GPN1: variants seen among roughly 807,000 people sequenced by gnomAD.
GPN1 encodes the protein ATP(GTP)-binding protein.
Under a neutral mutation model 55.9 loss-of-function variants are expected in GPN1, and 44 were observed. The observed-to-expected ratio is 0.79, with a 90% CI of 0.62 to 1.01. GPN1 has a LOEUF of 1.01. Ranked by LOEUF, GPN1 falls within the 50% of genes least tolerant of loss-of-function variation. The pLI, the probability that GPN1 is intolerant of heterozygous loss-of-function variation, is 0.00. For missense variants in GPN1, 466 were observed against 462.8 expected, an observed-to-expected ratio of 1.01 and a Z score of -0.06; for synonymous variants, 179 against 162.5, an observed-to-expected ratio of 1.10 and a Z score of -0.77.
rs1553358324 is a variant in GPN1 at position 27,642,958 on chromosome 2, TACAC to T, written c.931+473_931+476del. 6.5e-3 allele frequency among the ~76,000 whole-genome samples: 793 copies of T among 122,638 alleles called. 1 individual carries two copies. Among genetic ancestry groups the T allele is most frequent in the African/African-American group, 0.019 (628 of 33,356 alleles). The allele number at this position is 122,638 out of a possible 152,430, so 80.5% of individuals were successfully genotyped here. On this transcript the variant is annotated intron_variant, in intron 12 of 13. Coordinates refer to ENST00000610189, the MANE Select transcript of GPN1 (RefSeq NM_007266.4). Reference sequence around the variant, plus strand: ...AAATGTGGTTTTATATATATATATATACACACACACACACACACACACACACACA... The same window carrying T: ...AAATGTGGTTTTATATATATATATATACACACACACACACACACACACACA...
chr2:27,631,135 AAG>A lies in GPN1; in HGVS notation c.245+72_245+73del, dbSNP rs1268527072. 3 of 840,594 alleles carry A rather than the reference AAG, an allele frequency of 3.6e-6. No homozygotes were observed. In the East Asian group the frequency reaches 7.4e-5, roughly 21 times the overall value. The allele number at this position is 840,594 out of a possible 1,614,324, so 52.1% of individuals were successfully genotyped here. ...CTTGTCTGTGTATTTTGTGGCTTGAAAGAGTGTTTTTGCCTTTTCCTTGTGAA... is the reference window on the plus strand; with the variant it reads ...CTTGTCTGTGTATTTTGTGGCTTGAAAGTGTTTTTGCCTTTTCCTTGTGAA... On this transcript the variant is annotated intron_variant, in intron 3 of 13. Coordinates refer to ENST00000610189, the MANE Select transcript of GPN1 (RefSeq NM_007266.4).
Position 27,650,441 on chromosome 2 carries a change from A to C in GPN1, c.*241A>C. The C allele has an allele frequency of 3.3e-6, 1 of 306,348 alleles. No individual in the cohort carries two copies. Among genetic ancestry groups the C allele is most frequent in the Non-Finnish European group, 6.2e-6 (1 of 161,202 alleles). 19.0% of individuals were successfully genotyped at this position (306,348 alleles called of 1,614,324 possible). On this transcript the variant is annotated 3_prime_UTR_variant, in exon 14 of 14. Transcript: ENST00000610189. ...TTCCCTTGTATTTATGCAAGGAAGGATATACTGAGCTGATACTCTTCCAAG... is the reference window on the plus strand; with the variant it reads ...TTCCCTTGTATTTATGCAAGGAAGGCTATACTGAGCTGATACTCTTCCAAG...
chr2:27,628,493 G>T (rs1254334415), upstream of GPN1: 1 of 1,551,526 alleles, frequency 6.4e-7, no homozygotes, highest in Non-Finnish European at 8.7e-7. Flanking sequence ...ACCTGCGTCT[G>T]CAACTCGCGG....
intron 3 of GPN1, 61 bp from the exon 4 acceptor site, chr2:27,631,773 C>T (rs1389506872): frequency 1.1e-6 from 1 of 938,738 alleles, no homozygotes; most frequent in Non-Finnish European, 1.8e-6. Flanking sequence ...TGAATGATAG[C>T]CTAGGTATGA....
At chr2:27,646,436 G>A (rs1674236166) in intron 12 of GPN1, among the ~76,000 whole-genome samples, 1 of 152,166 alleles carries the variant, frequency 6.6e-6, no homozygotes, top group Admixed American at 6.5e-5. Context: ...GTTTATGTTT[G>A]TATGTATGAA....
intron 7 of GPN1, among the ~76,000 whole-genome samples, chr2:27,637,500 A>G (rs536580437): frequency 6.6e-6 from 1 of 152,300 alleles, no homozygotes; most frequent in South Asian, 2.1e-4. Context: ...CTATACCTCA[A>G]TAAAGGTAGG....
intron 11 of GPN1, among the ~76,000 whole-genome samples, chr2:27,641,526 C>T (rs1207133606): frequency 6.6e-6 from 1 of 152,118 alleles, no homozygotes; most frequent in Admixed American, 6.5e-5. Context: ...CTTAATGTTT[C>T]TTCCCTTTCA....
intron 1 of GPN1, 197 bp downstream of exon 1, chr2:27,629,366 C>G (rs1383627871): frequency 1.3e-6 from 2 of 1,548,684 alleles, no homozygotes; most frequent in Admixed American, 3.9e-5. Context: ...CTCTTCTGCG[C>G]ACCTTCAGGG....
chr2:27,642,399 A>G (rs779927928), intron 11 of GPN1, 30 bp from the exon 12 acceptor site: 2 of 1,395,444 alleles, frequency 1.4e-6, no homozygotes, highest in Non-Finnish European at 2.0e-6. Context: ...TCCTTTTTGA[A>G]TATGATGACA....
chr2:27,630,703 G>A (rs1673511629), intron 2 of GPN1, among the ~76,000 whole-genome samples: 1 of 152,116 alleles, frequency 6.6e-6, no homozygotes, highest in South Asian at 2.1e-4. Flanking sequence ...TTGCCATTGT[G>A]TTGCCTTTGT....
rs1223494974 is a variant in GPN1, at chr2:27,629,912, G to C, written c.165G>C (p.Leu55=). ...AQGTPPYVIN[L]DPAVHEVPFP... ...GCACTCCACCGTATGTGATCAACCT[G>C]GATCCAGCAGTACATGAAGTTCCCT... is the stretch of plus-strand genomic sequence containing the variant. Residue 55 remains leucine, a synonymous_variant, in exon 2 of 14, where the codon CTG becomes CTC. Coordinates refer to ENST00000610189, the MANE Select transcript of GPN1 (RefSeq NM_007266.4). The C allele has an allele frequency of 1.2e-6, 2 of 1,609,476 alleles. No individual in the cohort carries two copies. The highest frequency in any genetic ancestry group is 1.7e-6 in the Non-Finnish European group (2 of 1,175,714).
chr2:27,635,524 C>A (rs906296707), intron 7 of GPN1, among the ~76,000 whole-genome samples: 1 of 152,126 alleles, frequency 6.6e-6, no homozygotes, highest in Non-Finnish European at 1.5e-5. Flanking sequence ...TGGATAAAAT[C>A]CAAGTTTAAA....
Position 27,629,935 on chromosome 2 carries a change from C to A in GPN1, c.188C>A (p.Pro63His). The A allele has an allele frequency of 6.3e-7, 1 of 1,588,764 alleles. No individual in the cohort carries two copies. The highest frequency in any genetic ancestry group is 8.6e-7 in the Non-Finnish European group (1 of 1,156,784). The change falls in exon 2 of 14, where the codon CCC (proline) becomes CAC (histidine). Residue 63 changes from proline (P) to histidine (H), a missense_variant. By Grantham distance (77) the Pro-to-His change is moderately conservative (BLOSUM62 -2). Coordinates refer to ENST00000610189, the MANE Select transcript of GPN1 (RefSeq NM_007266.4). The part of the protein sequence containing the change: ...INLDPAVHEV[P>H]FPANIDIRDT... ...CTGGATCCAGCAGTACATGAAGTTCCCTTTCCTGCCAATATTGGTGAGTAA... is the reference window on the plus strand; with the variant it reads ...CTGGATCCAGCAGTACATGAAGTTCACTTTCCTGCCAATATTGGTGAGTAA...
chr2:27,641,265 C>T lies in GPN1; in HGVS notation c.826C>T (p.Leu276=). ...EREYRPEYER[L]KKSLANAESQ... is the part of the protein sequence containing the mutation. ...GGAGTATCGTCCTGAATATGAACGTCTGAAAAAATCACTGGTAAGAAGGGA... is the reference window on the plus strand; with the variant it reads ...GGAGTATCGTCCTGAATATGAACGTTTGAAAAAATCACTGGTAAGAAGGGA... The change falls in exon 11 of 14, where the codon CTG becomes TTG. Residue 276 remains leucine, a synonymous_variant. Transcript: ENST00000610189. 3.1e-6 allele frequency: 5 copies of T among 1,608,158 alleles called. No homozygotes were observed. The highest frequency in any genetic ancestry group is 4.3e-6 in the Non-Finnish European group (5 of 1,175,180).
intron 9 of GPN1, 45 bp downstream of exon 9, chr2:27,639,076 C>G: frequency 2.7e-6 from 4 of 1,485,054 alleles, no homozygotes; most frequent in Non-Finnish European, 3.7e-6. Flanking sequence ...TCCAGATAAT[C>G]TGTTAACCCA....
chr2:27,642,958 T>TATATATATAC (rs10643705), intron 12 of GPN1, among the ~76,000 whole-genome samples: 1 of 122,610 alleles, frequency 8.2e-6, no homozygotes, highest in Non-Finnish European at 1.7e-5. Flanking sequence ...TATATATATA[T>TATATATATAC]ACACACACAC....
At chr2:27,630,684 A>G (rs1347913441) in intron 2 of GPN1, among the ~76,000 whole-genome samples, 1 of 152,120 alleles carries the variant, frequency 6.6e-6, no homozygotes, top group Admixed American at 6.5e-5. Context: ...TTAAAAAATC[A>G]TGTCTGCATT....
At chr2:27,649,716 C>T (rs1674433628) in intron 13 of GPN1, among the ~76,000 whole-genome samples, 2 of 152,146 alleles carry the variant, frequency 1.3e-5, no homozygotes, top group African/African-American at 2.4e-5. Context: ...TTTTTTATTG[C>T]TGAGTGATAT....
At chr2:27,645,529 A>G (rs1056966297) in intron 12 of GPN1, among the ~76,000 whole-genome samples, 1 of 152,116 alleles carries the variant, frequency 6.6e-6, no homozygotes, top group Non-Finnish European at 1.5e-5. Flanking sequence ...TGACATCTCT[A>G]TGATGTTCAG....
Sources: gnomAD v4.1 joint callset for allele counts (sites outside exome capture counted in the v4.1 genomes callset) on GRCh38, gnomAD v4.1.1 for gene constraint, MANE v1.5 for transcripts, NCBI Gene and HGNC (gene_info 2026-07-23, HGNC 2026-07-21) for gene names.